The following MRTFA variants were observed in gnomAD, a reference collection of about 807,000 sequenced individuals.
MRTFA encodes myocardin related transcription factor A.
In MRTFA, 20 loss-of-function variants were observed where a neutral mutation model predicts 83.5. The ratio of observed to expected loss-of-function variants is 0.24; its 90% CI spans 0.17 to 0.35. The LOEUF (loss-of-function observed/expected upper bound fraction) is 0.35, where lower values mean the gene tolerates loss of function less well. Among genes scored for constraint, MRTFA ranks in the 10% least tolerant of loss-of-function variants. MRTFA has a pLI of 1.00. For synonymous variants in MRTFA, 659 were observed against 541.2 expected, an observed-to-expected ratio of 1.22 and a Z score of -3.02; for missense variants, 1,200 against 1,224.7, an observed-to-expected ratio of 0.98 and a Z score of 0.30.
chr22:40,554,195 G>A (rs2055485691), intron 2 of MRTFA, among the ~76,000 whole-genome samples: 1 of 152,182 alleles, frequency 6.6e-6, no homozygotes. Context: ...TCTGGACTTG[G>A]ACTTCTGGGT....
At chr22:40,592,287 T>G (rs2056132559) in intron 2 of MRTFA, among the ~76,000 whole-genome samples, 2 of 146,260 alleles carry the variant, frequency 1.4e-5, no homozygotes, top group African/African-American at 2.5e-5. Context: ...AAAAAAAAAT[T>G]ATTTTTTTTA....
intron 4 of MRTFA, among the ~76,000 whole-genome samples, chr22:40,446,487 G>A (rs1366124951): frequency 6.6e-6 from 1 of 152,288 alleles, no homozygotes; most frequent in African/African-American, 2.4e-5. Flanking sequence ...TCAAGGACAG[G>A]CATGAAGAGA....
At chr22:40,561,267 G>A (rs1000573492) in intron 2 of MRTFA, among the ~76,000 whole-genome samples, 2 of 151,460 alleles carry the variant, frequency 1.3e-5, no homozygotes, top group African/African-American at 4.9e-5. Flanking sequence ...CAAATCAACT[G>A]AACAAGTGTT....
At chr22:40,505,741 T>C (rs2054569616) in intron 3 of MRTFA, among the ~76,000 whole-genome samples, 1 of 152,198 alleles carries the variant, frequency 6.6e-6, no homozygotes, top group African/African-American at 2.4e-5. Flanking sequence ...AGCGTTCTTC[T>C]TCCCCTGCAG....
chr22:40,427,553 G>A lies in MRTFA; in HGVS notation c.601+2053C>T, dbSNP rs6001909. ...GGCAGGTGCTGTCTTGTCAGGGATC[G>A]GATCTTGGGCCCACTGCAGCGAAGG... On this transcript the variant is annotated intron_variant, in intron 7 of 14. Coordinates refer to ENST00000355630, the MANE Select transcript of MRTFA (RefSeq NM_020831.6). Among the ~76,000 whole-genome samples the A allele has an allele frequency of 2.2e-3, 339 of 152,272 alleles. 3 individuals are homozygous for A. Among genetic ancestry groups the A allele is most frequent in the Middle Eastern group, 0.01 (3 of 294 alleles).
At chr22:40,495,590 C>G (rs2054339199) in intron 3 of MRTFA, among the ~76,000 whole-genome samples, 1 of 145,734 alleles carries the variant, frequency 6.9e-6, no homozygotes, top group Non-Finnish European at 1.5e-5. Context: ...GTAACACTAT[C>G]TCTACTAAAA....
At chr22:40,542,034 A>G (rs1602408268) in intron 3 of MRTFA, among the ~76,000 whole-genome samples, 1 of 138,672 alleles carries the variant, frequency 7.2e-6, no homozygotes, top group Admixed American at 7.1e-5. Context: ...ACAGGGTCTC[A>G]CTCTGTTGCC....
At position 40,419,030 on chromosome 22, in the gene MRTFA, A is replaced by G. The variant is rs201134748; in HGVS notation, c.1708T>C (p.Ser570Pro). The change falls in exon 12 of 15, where the codon TCC becomes CCC. Residue 570 changes from serine to proline, a missense_variant. This residue lies in a region of MRTFA where 1,107 missense variants were observed against 1,041.8 expected (regional missense o/e 1.06). Coordinates refer to ENST00000355630, the MANE Select transcript of MRTFA (RefSeq NM_020831.6). ...TCACCAAAGGTGTCCCCGGGGGTGG[A>G]GTTTTCATCGCCCGTGCTGAGCAGT... is the stretch of plus-strand genomic sequence containing the variant. The G allele has an allele frequency of 5.0e-6, 8 of 1,612,180 alleles. No homozygotes were observed. In the East Asian group the frequency reaches 1.1e-4, roughly 22 times the overall value.
At chr22:40,621,073 C>T (rs1296300912) in intron 1 of MRTFA, among the ~76,000 whole-genome samples, 1 of 151,464 alleles carries the variant, frequency 6.6e-6, no homozygotes, top group Non-Finnish European at 1.5e-5. Context: ...CCCAGCTACT[C>T]AGGAGGCTGA....
chr22:40,601,761 G>C (rs2056261723), intron 1 of MRTFA, among the ~76,000 whole-genome samples: 1 of 152,144 alleles, frequency 6.6e-6, no homozygotes, highest in Non-Finnish European at 1.5e-5. Context: ...ATCCACCTGA[G>C]TACCAGAGCA....
At chr22:40,596,368 A>C (rs2056192396) in intron 1 of MRTFA, among the ~76,000 whole-genome samples, 1 of 152,234 alleles carries the variant, frequency 6.6e-6, no homozygotes, top group Non-Finnish European at 1.5e-5. Context: ...GTGGTTTTTA[A>C]GCAGTCCACC....
At chr22:40,420,606 T>C (rs765184246) in intron 10 of MRTFA, 30 bp from the exon 11 acceptor site, 6 of 1,608,048 alleles carry the variant, frequency 3.7e-6, no homozygotes, top group Admixed American at 1.7e-5. Context: ...ATTAGCCCCA[T>C]CCAGCTTCGC....
At chr22:40,613,683 C>T (rs1466075186) in intron 1 of MRTFA, among the ~76,000 whole-genome samples, 1 of 151,872 alleles carries the variant, frequency 6.6e-6, no homozygotes, top group African/African-American at 2.4e-5. Flanking sequence ...CAGAGAGACC[C>T]TGTCTCTAGA....
intron 3 of MRTFA, among the ~76,000 whole-genome samples, chr22:40,534,500 A>T (rs2055133815): frequency 6.6e-6 from 1 of 152,156 alleles, no homozygotes; most frequent in South Asian, 2.1e-4. Flanking sequence ...CGTTGCCCAG[A>T]CTGGAATGCA....
intron 4 of MRTFA, among the ~76,000 whole-genome samples, chr22:40,450,606 C>T (rs113014344): frequency 0.041 from 5,843 of 143,248 alleles, 303 homozygotes; most frequent in African/African-American, 0.12. Flanking sequence ...CAGGCGCCTG[C>T]CACCACAGCT....
intron 4 of MRTFA, among the ~76,000 whole-genome samples, chr22:40,449,281 A>G (rs1381527169): frequency 1.3e-5 from 2 of 149,012 alleles, no homozygotes; most frequent in Admixed American, 1.3e-4. Context: ...CGAGAAAAAA[A>G]AAAAAAAAAA....
At chr22:40,542,142 G>A (rs914523123) in intron 3 of MRTFA, among the ~76,000 whole-genome samples, 13 of 151,146 alleles carry the variant, frequency 8.6e-5, no homozygotes, top group African/African-American at 2.9e-4. Context: ...TCCCTCCACT[G>A]ATATACTGGT....
At position 40,483,189 on chromosome 22, in the gene MRTFA, T is replaced by C. The variant is rs150528417; in HGVS notation, c.242-19903A>G. On this transcript the variant is annotated intron_variant, in intron 3 of 14. Transcript: ENST00000355630. ...GATTCTTCCACCTCAGCCTCCCAAA[T>C]AGCTAGGACTGCAGGCGCTCTCCAC... 9.9e-4 allele frequency among the ~76,000 whole-genome samples: 151 copies of C among 152,046 alleles called. 1 individual carries two copies. The highest frequency in any genetic ancestry group is 3.4e-3 in the African/African-American group (140 of 41,446).
intron 3 of MRTFA, among the ~76,000 whole-genome samples, chr22:40,520,276 C>A (rs1454333986): frequency 6.6e-6 from 1 of 152,156 alleles, no homozygotes; most frequent in Admixed American, 6.6e-5. Context: ...ATTTTCATTG[C>A]CCCAAAAATA....
Sources: gnomAD v4.1 joint callset for allele counts (sites outside exome capture counted in the v4.1 genomes callset) on GRCh38, gnomAD v4.1.1 for gene constraint, gnomAD v4.1.1 regional missense constraint, MANE v1.5 for transcripts, NCBI Gene and HGNC (gene_info 2026-07-23, HGNC 2026-07-21) for gene names.